THSD4: variants seen among roughly 807,000 people sequenced by gnomAD.
The protein encoded by THSD4 is thrombospondin type 1 domain containing 4.
THSD4 carries 69 observed loss-of-function variants against 119.0 expected under a neutral mutation model. The observed-to-expected ratio is 0.58, with a 90% CI of 0.48 to 0.71. The LOEUF (loss-of-function observed/expected upper bound fraction) is 0.71. Among genes scored for constraint, THSD4 ranks in the 30% least tolerant of loss-of-function variants. The pLI is 0.00. For missense variants in THSD4, 1,393 were observed against 1,391.1 expected, an observed-to-expected ratio of 1.00 and a Z score of -0.02; for synonymous variants, 524 against 540.4, an observed-to-expected ratio of 0.97 and a Z score of 0.42.
intron 6 of THSD4, among the ~76,000 whole-genome samples, chr15:71,404,677 A>G (rs1010449136): frequency 6.6e-6 from 1 of 152,214 alleles, no homozygotes; most frequent in African/African-American, 2.4e-5. Context: ...TAGTACCCTC[A>G]TGAAAGAGAC....
intron 7 of THSD4, among the ~76,000 whole-genome samples, chr15:71,442,363 G>A (rs2047108912): frequency 6.6e-6 from 1 of 151,176 alleles, no homozygotes; most frequent in Non-Finnish European, 1.5e-5. Flanking sequence ...GAGGTCAGGA[G>A]TTCAAGACCA....
rs545307238 is a variant in THSD4 at position 71,782,413 on chromosome 15, A to T, written c.*5039A>T. ...CACGACTCAGTTGACAGAAGGATAT[A>T]CTTTGTTATAACTTATTATTTTGTT... On this transcript the variant is annotated 3_prime_UTR_variant, in exon 18 of 18. Coordinates refer to ENST00000261862, the MANE Select transcript of THSD4 (RefSeq NM_024817.3). 6.6e-6 allele frequency: 1 copy of T among 152,126 alleles called. No homozygotes were observed. Among genetic ancestry groups the T allele is most frequent in the Non-Finnish European group, 1.5e-5 (1 of 68,030 alleles). 9.4% of individuals were successfully genotyped at this position (152,126 alleles called of 1,614,324 possible). A position where few individuals can be genotyped will look rare whatever the true frequency, so the allele number is the denominator to read the frequency against.
intron 7 of THSD4, among the ~76,000 whole-genome samples, chr15:71,439,945 C>A (rs1227868626): frequency 6.6e-6 from 1 of 152,144 alleles, no homozygotes; most frequent in Non-Finnish European, 1.5e-5. Flanking sequence ...AGCAAACCAC[C>A]ATGGCATGTG....
At chr15:71,199,714 G>GTGAT (rs2043768521) in intron 3 of THSD4, among the ~76,000 whole-genome samples, 2 of 51,990 alleles carry the variant, frequency 3.8e-5, no homozygotes, top group Admixed American at 1.5e-4. Flanking sequence ...CTGGGTGTGT[G>GTGAT]GTGTGTGTGT....
chr15:71,704,972 CAGAG>C (rs1306648845), intron 8 of THSD4, among the ~76,000 whole-genome samples: 5 of 152,136 alleles, frequency 3.3e-5, no homozygotes, highest in Admixed American at 1.3e-4. Flanking sequence ...GCCTTCAAAT[CAGAG>C]AGAAACCAGT....
intron 6 of THSD4, among the ~76,000 whole-genome samples, chr15:71,279,949 A>G (rs927595806): frequency 9.2e-5 from 14 of 152,232 alleles, no homozygotes; most frequent in African/African-American, 3.1e-4. Flanking sequence ...TTGCATATCT[A>G]GAAAATTAAG....
Position 71,370,475 on chromosome 15 carries a change from C to G in THSD4, c.1016-41212C>G, listed in dbSNP as rs557700097. Among the ~76,000 whole-genome samples the G allele has an allele frequency of 3.3e-5, 5 of 152,102 alleles. No homozygotes were observed. The East Asian group carries it at 5.8e-4, about 18-fold the overall frequency. ...TAAATGTGTCCCAGAGATTTTGGTA[C>G]GTTGTGTCTTTGTTCTCATTGGTTT... On this transcript the variant is annotated intron_variant, in intron 6 of 17. Coordinates refer to ENST00000261862, the MANE Select transcript of THSD4 (RefSeq NM_024817.3).
Position 71,737,903 on chromosome 15 carries a change from G to C in THSD4, c.1802G>C (p.Arg601Pro), listed in dbSNP as rs199561497. ...VRHPDRFSPH[R>P]PDNLVPPAPQ... is the part of the protein sequence containing the mutation. ...CATCCAGACAGATTTTCTCCCCATC[G>C]ACCGGACAACTTGGTGCCACCAGCA... is the stretch of plus-strand genomic sequence containing the variant. The change falls in exon 11 of 18, where the codon CGA becomes CCA. Residue 601 changes from arginine to proline, a missense_variant. By Grantham distance (103) the Arg-to-Pro change is moderately radical (BLOSUM62 -2). Coordinates refer to ENST00000261862, the MANE Select transcript of THSD4 (RefSeq NM_024817.3). 6.2e-7 allele frequency: 1 copy of C among 1,614,228 alleles called. No homozygotes were observed. The highest frequency in any genetic ancestry group is 1.7e-5 in the Admixed American group (1 of 60,030).
chr15:71,416,202 T>C (rs2046757823), intron 7 of THSD4, among the ~76,000 whole-genome samples: 1 of 152,256 alleles, frequency 6.6e-6, no homozygotes, highest in African/African-American at 2.4e-5. Context: ...TGTGTCTAAA[T>C]AGTACTTTAT....
chr15:71,268,861 A>G (rs1171379555), intron 6 of THSD4, among the ~76,000 whole-genome samples: 1 of 152,228 alleles, frequency 6.6e-6, no homozygotes, highest in East Asian at 1.9e-4. Flanking sequence ...TAGAAAATCT[A>G]GAAGAAATGG....
intron 6 of THSD4, among the ~76,000 whole-genome samples, chr15:71,358,067 G>T (rs2045844747): frequency 6.6e-6 from 1 of 152,200 alleles, no homozygotes; most frequent in Non-Finnish European, 1.5e-5. Context: ...CCCATTTTCA[G>T]GTCTTAGCTG....
chr15:71,263,845 G>C (rs1211563362), intron 6 of THSD4, among the ~76,000 whole-genome samples: 1 of 152,242 alleles, frequency 6.6e-6, no homozygotes, highest in Non-Finnish European at 1.5e-5. Context: ...AATATCTGTG[G>C]CTGGCCCTAG....
chr15:71,496,800 A>G (rs1005412940), intron 7 of THSD4, among the ~76,000 whole-genome samples: 4 of 152,174 alleles, frequency 2.6e-5, no homozygotes, highest in Non-Finnish European at 4.4e-5. Flanking sequence ...CATAAGCAAT[A>G]CTAAAGAAAG....
intron 8 of THSD4, among the ~76,000 whole-genome samples, chr15:71,714,510 G>A (rs1178871858): frequency 6.6e-6 from 1 of 152,138 alleles, no homozygotes; most frequent in African/African-American, 2.4e-5. Context: ...ATTAAATATA[G>A]CTAAAAGGAT....
At chr15:71,460,216 G>A (rs1271780323) in intron 7 of THSD4, among the ~76,000 whole-genome samples, 2 of 151,624 alleles carry the variant, frequency 1.3e-5, no homozygotes, top group African/African-American at 4.9e-5. Flanking sequence ...GTTCTGAGCC[G>A]ACTCACTAAT....
intron 6 of THSD4, among the ~76,000 whole-genome samples, chr15:71,397,446 A>G (rs1261178140): frequency 6.6e-6 from 1 of 152,226 alleles, no homozygotes; most frequent in East Asian, 1.9e-4. Flanking sequence ...AAACGAATCC[A>G]TGAATGAATA....
At chr15:71,315,654 C>G (rs1050112774) in intron 6 of THSD4, among the ~76,000 whole-genome samples, 1 of 152,130 alleles carries the variant, frequency 6.6e-6, no homozygotes, top group Non-Finnish European at 1.5e-5. Flanking sequence ...ACTGAGGTGG[C>G]GGCGGGGAGG....
At chr15:71,595,292 A>G (rs1375130623) in intron 7 of THSD4, among the ~76,000 whole-genome samples, 1 of 152,156 alleles carries the variant, frequency 6.6e-6, no homozygotes, top group Non-Finnish European at 1.5e-5. Context: ...CTTGAATTGT[A>G]TCTCCCAGAA....
intron 7 of THSD4, among the ~76,000 whole-genome samples, chr15:71,471,633 A>G (rs923561612): frequency 5.9e-5 from 9 of 151,588 alleles, no homozygotes; most frequent in South Asian, 2.1e-4. Context: ...CTGCTCAGAC[A>G]TGCCTGGCTC....
Sources: gnomAD v4.1 joint callset for allele counts (sites outside exome capture counted in the v4.1 genomes callset) on GRCh38, gnomAD v4.1.1 for gene constraint, MANE v1.5 for transcripts, NCBI Gene and HGNC (gene_info 2026-07-23, HGNC 2026-07-21) for gene names.